SPTBN1: variants seen among roughly 807,000 people sequenced by gnomAD.
SPTBN1 encodes the protein spectrin beta, non-erythrocytic 1, also known as spectrin beta chain, non-erythrocytic 1.
A neutral mutation model predicts 266.4 loss-of-function variants in SPTBN1; 32 were observed. The ratio of observed to expected loss-of-function variants is 0.12; its 90% confidence interval spans 0.09 to 0.16. The LOEUF (loss-of-function observed/expected upper bound fraction) is 0.16, where lower values mean the gene tolerates loss of function less well. Ranked by LOEUF, SPTBN1 falls within the 10% of genes least tolerant of loss-of-function variation. The pLI, the probability that SPTBN1 is intolerant of heterozygous loss-of-function variation, is 1.00. For missense variants in SPTBN1, 2,296 were observed against 3,067.1 expected, an observed-to-expected ratio of 0.75 and a Z score of 5.94; for synonymous variants, 1,336 against 1,162.2, an observed-to-expected ratio of 1.15 and a Z score of -3.04.
chr2:54,488,762 A>G (rs562586444), intron 1 of SPTBN1, among the ~76,000 whole-genome samples: 1 of 152,142 alleles, frequency 6.6e-6, no homozygotes, highest in South Asian at 2.1e-4. Flanking sequence ...AAAAAATAAC[A>G]GAATTTTTCA....
In SPTBN1 at chr2:54,628,668, A is replaced by G. The variant is rs1297877558; in HGVS notation, c.1799-265A>G. 6.6e-6 allele frequency among the ~76,000 whole-genome samples: 1 copy of G among 152,078 alleles called. No homozygotes were observed. Among genetic ancestry groups the G allele is most frequent in the African/African-American group, 2.4e-5 (1 of 41,400 alleles). On this transcript the variant is annotated intron_variant, in intron 13 of 35. Coordinates refer to ENST00000356805, the MANE Select transcript of SPTBN1 (RefSeq NM_003128.3). This position sits in a 1 kb window ranked among gnomAD's most constrained non-coding sequence, Gnocchi z 4.3. ...ACAATTATATGCAGCTGCCTTTTTC[A>G]TATGATTCAAGTGCTTTCTTGCAGG... is the stretch of plus-strand genomic sequence containing the variant.
chr2:54,601,426 C>T (rs527645327), intron 3 of SPTBN1, among the ~76,000 whole-genome samples: 15 of 152,264 alleles, frequency 9.9e-5, no homozygotes, highest in African/African-American at 3.6e-4. Context: ...TGCCTTTGGC[C>T]GTGGAGGTTG....
rs375316334 is a variant in SPTBN1, at chr2:54,599,150, C to A, written c.207C>A (p.Ala69=). The change falls in exon 3 of 36, where the codon GCC becomes GCA. Residue 69 remains alanine (A), a synonymous_variant. Coordinates refer to ENST00000356805, the MANE Select transcript of SPTBN1 (RefSeq NM_003128.3). ...CCAAGTGGGTCAATTCCCACCTTGC[C>A]CGTGTGTCCTGCCGGATCACAGACC... ...TFTKWVNSHL[A]RVSCRITDLY... The A allele has an allele frequency of 1.9e-6, 3 of 1,614,056 alleles. No homozygotes were observed. The highest frequency in any genetic ancestry group is 2.5e-6 in the Non-Finnish European group (3 of 1,180,038).
intron 32 of SPTBN1, chr2:54,661,973 G>A: frequency 1.0e-6 from 1 of 985,372 alleles, no homozygotes; most frequent in Non-Finnish European, 1.2e-6. Flanking sequence ...TATTTTTATT[G>A]TTTTGAGTGA....
In SPTBN1 at chr2:54,629,626, A is replaced by G; in HGVS notation, c.2492A>G (p.Tyr831Cys). Residue 831 changes from tyrosine to cysteine, a missense_variant, in exon 14 of 36, where the codon TAT becomes TGT. By Grantham distance (194) the Tyr-to-Cys change is radical (BLOSUM62 -2). Transcript: ENST00000356805. ...AGGCTGTCGGGCATCGAGGAGCGGT[A>G]TAAGGAGGTGGCAGAGCTGACGCGG... ...RGRLSGIEER[Y>C]KEVAELTRLR... 2.5e-6 allele frequency: 4 copies of G among 1,613,948 alleles called. No individual in the cohort carries two copies. Among genetic ancestry groups the G allele is most frequent in the Non-Finnish European group, 3.4e-6 (4 of 1,179,984 alleles).
At chr2:54,552,823 A>G (rs560454195) in intron 2 of SPTBN1, among the ~76,000 whole-genome samples, 8 of 152,322 alleles carry the variant, frequency 5.3e-5, no homozygotes, top group African/African-American at 1.4e-4. Flanking sequence ...AAATGCTTAC[A>G]TGGGCGGTAC....
chr2:54,534,791 A>G (rs773105920), intron 2 of SPTBN1, among the ~76,000 whole-genome samples: 34 of 152,284 alleles, frequency 2.2e-4, no homozygotes, highest in Non-Finnish European at 4.0e-4. Flanking sequence ...GGCATGGGAG[A>G]ACATGCAGAT....
intron 2 of SPTBN1, among the ~76,000 whole-genome samples, chr2:54,567,500 A>G (rs1673744354): frequency 1.5e-5 from 2 of 134,162 alleles, no homozygotes; most frequent in Admixed American, 1.4e-4. Context: ...ACCACCCACC[A>G]TGCCCAGCAA....
At chr2:54,657,451 C>G (rs1266198723) in intron 29 of SPTBN1, among the ~76,000 whole-genome samples, 1 of 152,202 alleles carries the variant, frequency 6.6e-6, no homozygotes, top group Admixed American at 6.5e-5. Flanking sequence ...ACGTGTGGCT[C>G]TTGAGAACTT....
intron 9 of SPTBN1, among the ~76,000 whole-genome samples, chr2:54,622,715 A>G (rs1404580630): frequency 6.6e-6 from 1 of 152,204 alleles, no homozygotes; most frequent in Non-Finnish European, 1.5e-5. Context: ...ATATATGAGA[A>G]TTCCAAGAAA....
At chr2:54,537,005 A>T (rs751741801) in intron 2 of SPTBN1, among the ~76,000 whole-genome samples, 3 of 152,186 alleles carry the variant, frequency 2.0e-5, no homozygotes, top group African/African-American at 7.2e-5. Context: ...TGCACTTCAG[A>T]CTGGGTGACA....
At chr2:54,505,579 T>C (rs1669510940) in intron 1 of SPTBN1, among the ~76,000 whole-genome samples, 1 of 152,138 alleles carries the variant, frequency 6.6e-6, no homozygotes, top group African/African-American at 2.4e-5. Context: ...TGCCTGCACA[T>C]ACCTGCCAGG....
At chr2:54,490,823 G>C (rs1163097639) in intron 1 of SPTBN1, among the ~76,000 whole-genome samples, 1 of 152,124 alleles carries the variant, frequency 6.6e-6, no homozygotes, top group Non-Finnish European at 1.5e-5. Flanking sequence ...CCCACGCAGG[G>C]GAACAGCAGG....
In SPTBN1 at chr2:54,522,695, G is replaced by GAA. The variant is rs1558802667; in HGVS notation, c.-47-3676_-47-3675insAA. On this transcript the variant is annotated intron_variant, in intron 1 of 35. Transcript: ENST00000356805. Reference sequence around the variant, plus strand: ...GAGAGAGAGGAGAGAGAGAGAGAGAGAGAGAAAGAAAGAAAGGAAAGAAAG... The same window carrying GAA: ...GAGAGAGAGGAGAGAGAGAGAGAGAGAAAGAGAAAGAAAGAAAGGAAAGAAAG... 7.3e-4 allele frequency among the ~76,000 whole-genome samples: 106 copies of GAA among 145,306 alleles called. 1 individual carries two copies. The highest frequency in any genetic ancestry group is 2.4e-3 in the African/African-American group (96 of 39,504).
intron 2 of SPTBN1, among the ~76,000 whole-genome samples, chr2:54,576,789 G>A (rs1674513310): frequency 6.6e-6 from 1 of 152,240 alleles, no homozygotes; most frequent in Non-Finnish European, 1.5e-5. Flanking sequence ...TGGAAACACA[G>A]GTGTGTAAGG....
rs2104106750 is a variant in SPTBN1 at position 54,650,120 on chromosome 2, C to CA, written c.5577+132dup. ...CCCCAATTAAGCACATACATGTACC[C>CA]ACTTTGTAATAGTGCTCCATTTGGG... On this transcript the variant is annotated intron_variant, in intron 26 of 35. Coordinates refer to ENST00000356805, the MANE Select transcript of SPTBN1 (RefSeq NM_003128.3). 6 of 1,194,034 alleles carry CA rather than the reference C, an allele frequency of 5.0e-6. No individual in the cohort carries two copies. In the South Asian group the frequency reaches 9.4e-5, roughly 19 times the overall value. The allele number at this position is 1,194,034 out of a possible 1,614,324, so 74.0% of individuals were successfully genotyped here. A position where few individuals can be genotyped will look rare whatever the true frequency, so the allele number is the denominator to read the frequency against.
chr2:54,513,869 T>A (rs773594402), intron 1 of SPTBN1, among the ~76,000 whole-genome samples: 2 of 152,220 alleles, frequency 1.3e-5, no homozygotes, highest in Non-Finnish European at 2.9e-5. Flanking sequence ...GTTAGGTGAT[T>A]TCAAGATTTG....
intron 1 of SPTBN1, among the ~76,000 whole-genome samples, chr2:54,499,193 A>G (rs927456451): frequency 2.6e-5 from 4 of 152,290 alleles, no homozygotes; most frequent in Middle Eastern, 3.4e-3. Context: ...TTTTGACTCA[A>G]TAGTGGCAAT....
At chr2:54,661,331 A>T (rs1681030130) in intron 32 of SPTBN1, 1 of 985,908 alleles carries the variant, frequency 1.0e-6, no homozygotes, top group Admixed American at 6.1e-5. Context: ...TGAGACATTC[A>T]CTTGCTCTTT....
Sources: allele counts gnomAD v4.1 joint callset (sites outside exome capture counted in the v4.1 genomes callset), GRCh38; gene constraint gnomAD v4.1.1; non-coding constraint Gnocchi (gnomAD v3.1); transcripts MANE v1.5; gene names NCBI Gene and HGNC (gene_info 2026-07-23, HGNC 2026-07-21).